The following FAT3 variants were observed in gnomAD, a reference collection of about 807,000 sequenced individuals.
The protein encoded by FAT3 is protocadherin Fat 3.
In FAT3, 95 loss-of-function variants were observed where a neutral mutation model predicts 310.2. That is an observed-to-expected ratio of 0.31 (90% CI 0.26 to 0.36). FAT3 has a LOEUF of 0.36. FAT3 is among the 10% of genes least tolerant of loss of function. The pLI, the probability that FAT3 is intolerant of heterozygous loss-of-function variation, is 1.00. For synonymous variants in FAT3, 2,314 were observed against 2,192.9 expected, an observed-to-expected ratio of 1.06 and a Z score of -1.54; for missense variants, 5,408 against 5,715.6, an observed-to-expected ratio of 0.95 and a Z score of 1.74.
chr11:92,315,240 A>G (rs924826374), intron 1 of FAT3, among the ~76,000 whole-genome samples: 1 of 150,060 alleles, frequency 6.7e-6, no homozygotes, highest in Non-Finnish European at 1.5e-5. Flanking sequence ...ACTAGATCCA[A>G]TTTGGCTCTT....
intron 1 of FAT3, among the ~76,000 whole-genome samples, chr11:92,273,393 G>A (rs550665482): frequency 3.6e-4 from 55 of 152,106 alleles, no homozygotes; most frequent in African/African-American, 1.3e-3. Context: ...AACATTCTGA[G>A]CCTGCAGGGA....
chr11:92,644,028 G>A (rs1424683087), intron 3 of FAT3, among the ~76,000 whole-genome samples: 1 of 152,222 alleles, frequency 6.6e-6, no homozygotes, highest in Non-Finnish European at 1.5e-5. Flanking sequence ...AGAATAAAGT[G>A]CTGACCTTGC....
At chr11:92,595,322 C>G (rs1038651808) in intron 3 of FAT3, among the ~76,000 whole-genome samples, 2 of 152,092 alleles carry the variant, frequency 1.3e-5, no homozygotes, top group Non-Finnish European at 2.9e-5. Context: ...CCTGTGTGTC[C>G]TCTTGGCTTC....
intron 1 of FAT3, among the ~76,000 whole-genome samples, chr11:92,333,296 A>G (rs1947965999): frequency 6.6e-6 from 1 of 152,178 alleles, no homozygotes; most frequent in Non-Finnish European, 1.5e-5. Flanking sequence ...GATCCTTTGT[A>G]AAGTTACAAA....
At chr11:92,570,329 T>C (rs1329141706) in intron 3 of FAT3, among the ~76,000 whole-genome samples, 5 of 152,186 alleles carry the variant, frequency 3.3e-5, no homozygotes, top group African/African-American at 4.8e-5. Flanking sequence ...ATAAAGCAGA[T>C]TGAGCATATA....
In FAT3 at chr11:92,352,738, C is replaced by A; in HGVS notation, c.626C>A (p.Thr209Lys). 2 of 1,613,776 alleles carry A rather than the reference C, an allele frequency of 1.2e-6. No homozygotes were observed. Residue 209 changes from threonine to lysine, a missense_variant, in exon 2 of 28, where the codon ACG becomes AAG. Coordinates refer to ENST00000525166, the MANE Select transcript of FAT3 (RefSeq NM_001367949.2). The part of the protein sequence containing the change: ...NKVDLFSVHP[T>K]SGVISLSGRL... ...GTTGATCTCTTTTCAGTTCACCCCA[C>A]GAGTGGTGTCATCTCCTTAAGTGGT...
chr11:92,727,488 C>G (rs892442767), intron 4 of FAT3, among the ~76,000 whole-genome samples: 1 of 151,894 alleles, frequency 6.6e-6, no homozygotes, highest in Non-Finnish European at 1.5e-5. Context: ...GAGAGGAAGA[C>G]CTGGTAGATA....
At chr11:92,493,035 T>G (rs759845514) in intron 2 of FAT3, among the ~76,000 whole-genome samples, 1 of 152,086 alleles carries the variant, frequency 6.6e-6, no homozygotes, top group Non-Finnish European at 1.5e-5. Context: ...CAAACTTAAG[T>G]AGATTTCAAA....
intron 1 of FAT3, among the ~76,000 whole-genome samples, chr11:92,235,360 G>A (rs1864375041): frequency 6.6e-6 from 1 of 152,000 alleles, no homozygotes; most frequent in Non-Finnish European, 1.5e-5. Flanking sequence ...CCTCTTATAT[G>A]GTCTCTTCAT....
At chr11:92,431,789 G>A (rs1950787291) in intron 2 of FAT3, among the ~76,000 whole-genome samples, 2 of 152,028 alleles carry the variant, frequency 1.3e-5, no homozygotes, top group Non-Finnish European at 2.9e-5. Context: ...TTTCAGGTTT[G>A]TCAAAGATCA....
intron 2 of FAT3, among the ~76,000 whole-genome samples, chr11:92,431,838 A>G (rs967980632): frequency 6.6e-6 from 1 of 152,058 alleles, no homozygotes; most frequent in African/African-American, 2.4e-5. Context: ...TGAGGGCTCT[A>G]TTCTATTCCA....
chr11:92,400,553 T>A (rs1360423341), intron 2 of FAT3: 1 of 152,156 alleles, frequency 6.6e-6, no homozygotes, highest in Non-Finnish European at 1.5e-5. Flanking sequence ...AAAGGTCATA[T>A]CATTGCATAT....
chr11:92,297,244 GT>G (rs1305045292), intron 1 of FAT3, among the ~76,000 whole-genome samples: 1 of 151,990 alleles, frequency 6.6e-6, no homozygotes, highest in Non-Finnish European at 1.5e-5. Flanking sequence ...AATTTTCATA[GT>G]GTTTCATTGA....
At chr11:92,520,443 C>T (rs891288602) in intron 2 of FAT3, among the ~76,000 whole-genome samples, 1 of 151,762 alleles carries the variant, frequency 6.6e-6, no homozygotes, top group Non-Finnish European at 1.5e-5. Flanking sequence ...CAAAACTTAC[C>T]AATTGTTTGT....
intron 3 of FAT3, among the ~76,000 whole-genome samples, chr11:92,642,924 A>C (rs1013870336): frequency 6.6e-6 from 1 of 152,222 alleles, no homozygotes; most frequent in Non-Finnish European, 1.5e-5. Flanking sequence ...TCTGCCATGC[A>C]CTGTACCTGG....
At chr11:92,300,033 C>A (rs1169761930) in intron 1 of FAT3, among the ~76,000 whole-genome samples, 1 of 152,128 alleles carries the variant, frequency 6.6e-6, no homozygotes, top group Non-Finnish European at 1.5e-5. Flanking sequence ...GGTATTGATG[C>A]TAGATGCTCA....
intron 1 of FAT3, among the ~76,000 whole-genome samples, chr11:92,237,483 T>A (rs1248271418): frequency 6.6e-6 from 1 of 152,178 alleles, no homozygotes; most frequent in African/African-American, 2.4e-5. Flanking sequence ...TAATCATTAT[T>A]AATATCCCTG....
intron 2 of FAT3, among the ~76,000 whole-genome samples, chr11:92,469,514 T>A (rs184559484): frequency 2.0e-5 from 3 of 152,160 alleles, no homozygotes; most frequent in Admixed American, 6.5e-5. Context: ...AATGTTCTAA[T>A]TTGTGATTTT....
At chr11:92,419,988 A>G (rs1370943535) in intron 2 of FAT3, among the ~76,000 whole-genome samples, 1 of 152,182 alleles carries the variant, frequency 6.6e-6, no homozygotes, top group Non-Finnish European at 1.5e-5. Context: ...GACAGGAGGA[A>G]CACAGAGAGT....
Sources: allele counts gnomAD v4.1 joint callset (sites outside exome capture counted in the v4.1 genomes callset), GRCh38; gene constraint gnomAD v4.1.1; transcripts MANE v1.5; gene names NCBI Gene and HGNC (gene_info 2026-07-23, HGNC 2026-07-21).